TRPM3: variants seen among roughly 807,000 people sequenced by gnomAD.
The protein encoded by TRPM3 is long transient receptor potential channel 3.
TRPM3 carries 77 observed loss-of-function variants against 181.2 expected under a neutral mutation model. The observed-to-expected ratio is 0.42, with a 90% CI of 0.35 to 0.51. The LOEUF (loss-of-function observed/expected upper bound fraction) is 0.51. Ranked by LOEUF, TRPM3 falls within the 20% of genes least tolerant of loss-of-function variation. The pLI, the probability that TRPM3 is intolerant of heterozygous loss-of-function variation, is 0.01. For synonymous variants in TRPM3, 745 were observed against 796.4 expected, an observed-to-expected ratio of 0.94 and a Z score of 1.09; for missense variants, 1,759 against 2,196.7, an observed-to-expected ratio of 0.80 and a Z score of 3.98.
chr9:70,938,118 G>T (rs1183646117), intron 1 of TRPM3, among the ~76,000 whole-genome samples: 1 of 152,150 alleles, frequency 6.6e-6, no homozygotes. Context: ...CTGTGCAAGG[G>T]AGTGCTAGGT....
chr9:70,763,879 T>G (rs914104295), intron 7 of TRPM3, among the ~76,000 whole-genome samples: 4 of 152,180 alleles, frequency 2.6e-5, no homozygotes, highest in Non-Finnish European at 4.4e-5. Flanking sequence ...TCTGAGGAAG[T>G]GCTGTTTTAT....
rs140037832 is a variant in TRPM3 at position 70,535,312 on chromosome 9, T to C, written c.*641A>G. 8.6e-6 allele frequency: 10 copies of C among 1,156,514 alleles called. No individual in the cohort carries two copies. The highest frequency in any genetic ancestry group is 4.4e-5 in the Admixed American group (2 of 45,644). The allele number at this position is 1,156,514 out of a possible 1,614,324, so 71.6% of individuals were successfully genotyped here. ...AAACAGTTGTGGCACCAGAAGTGAA[T>C]AGATAAGAGACAGGTGAACTATGAC... On this transcript the variant is annotated 3_prime_UTR_variant, in exon 26 of 26. Coordinates refer to ENST00000677713, the MANE Select transcript of TRPM3 (RefSeq NM_001366145.2).
upstream of TRPM3, chr9:71,446,842 T>A: frequency 6.5e-7 from 1 of 1,534,780 alleles, no homozygotes; most frequent in Non-Finnish European, 8.8e-7. Flanking sequence ...CCATGAGAAG[T>A]TCGCCTCCCT....
chr9:71,386,663 T>A (rs1393868149), intron 1 of TRPM3, among the ~76,000 whole-genome samples: 1 of 152,158 alleles, frequency 6.6e-6, no homozygotes, highest in Non-Finnish European at 1.5e-5. Context: ...CCCTAAATAA[T>A]TATTACTATA....
At chr9:71,126,485 A>C (rs1360003195), upstream of TRPM3, among the ~76,000 whole-genome samples, 2 of 152,186 alleles carry the variant, frequency 1.3e-5, no homozygotes, top group Non-Finnish European at 2.9e-5. Context: ...TGATGCTTAT[A>C]CTGTATTTTC....
At chr9:70,784,005 A>G in intron 7 of TRPM3, 100 bp downstream of exon 7, 1 of 1,497,724 alleles carries the variant, frequency 6.7e-7, no homozygotes, top group South Asian at 1.4e-5. Context: ...GCTTGTTTTG[A>G]TTTGAGGTCT....
At chr9:70,604,784 T>A (rs1487195466) in intron 19 of TRPM3, among the ~76,000 whole-genome samples, 1 of 151,540 alleles carries the variant, frequency 6.6e-6, no homozygotes, top group Non-Finnish European at 1.5e-5. Flanking sequence ...GTAGCTGGGA[T>A]AACAGGCACG....
intron 1 of TRPM3, among the ~76,000 whole-genome samples, chr9:71,141,572 C>T (rs77327486): frequency 0.039 from 5,876 of 152,156 alleles, 175 homozygotes; most frequent in Non-Finnish European, 0.059. Context: ...GTTAAAGGGG[C>T]TTTTCAAACA....
chr9:71,301,464 T>C lies in TRPM3; in HGVS notation c.183+145189A>G, dbSNP rs148353653. ...TAATTGTTCTCAAAATCACTTATAC[T>C]CAGTTTCAAAGCCACATACTGAAGC... On this transcript the variant is annotated intron_variant, in intron 1 of 24. Transcript: ENST00000357533. Among the ~76,000 whole-genome samples the C allele has an allele frequency of 2.8e-3, 420 of 152,276 alleles. 1 individual carries two copies. The highest frequency in any genetic ancestry group is 9.6e-3 in the African/African-American group (401 of 41,564).
intron 9 of TRPM3, among the ~76,000 whole-genome samples, chr9:70,647,708 G>C (rs796478500): frequency 2.0e-5 from 3 of 152,178 alleles, no homozygotes; most frequent in African/African-American, 7.2e-5. Context: ...CAGCCAAAAA[G>C]AAGGAAATAA....
intron 22 of TRPM3, among the ~76,000 whole-genome samples, chr9:70,570,779 G>A (rs1291256262): frequency 6.6e-6 from 1 of 152,106 alleles, no homozygotes; most frequent in Non-Finnish European, 1.5e-5. Flanking sequence ...CCATTGAATG[G>A]CCACCGAATC....
intron 1 of TRPM3, among the ~76,000 whole-genome samples, chr9:71,206,322 T>C (rs1428159674): frequency 2.0e-5 from 3 of 152,192 alleles, no homozygotes; most frequent in Non-Finnish European, 4.4e-5. Context: ...ATTGTGGTTT[T>C]ATTTGCATTT....
At chr9:71,301,594 T>G (rs1443887229) in intron 1 of TRPM3, among the ~76,000 whole-genome samples, 1 of 152,202 alleles carries the variant, frequency 6.6e-6, no homozygotes, top group Non-Finnish European at 1.5e-5. Flanking sequence ...CTTTTCTCTA[T>G]GTATATCTTT....
chr9:70,540,995 G>A (rs145210870), intron 25 of TRPM3, among the ~76,000 whole-genome samples: 280 of 152,288 alleles, frequency 1.8e-3, no homozygotes, highest in Non-Finnish European at 2.8e-3. Flanking sequence ...AAAGTGCTGG[G>A]ATTTTCACAG....
intron 1 of TRPM3, among the ~76,000 whole-genome samples, chr9:71,334,156 G>A (rs1196522502): frequency 6.6e-6 from 1 of 151,700 alleles, no homozygotes; most frequent in Non-Finnish European, 1.5e-5. Flanking sequence ...TCTGGTACAA[G>A]TAGGCACAAC....
chr9:70,691,403 T>C (rs1246668541), intron 8 of TRPM3, among the ~76,000 whole-genome samples: 2 of 152,188 alleles, frequency 1.3e-5, no homozygotes, highest in African/African-American at 4.8e-5. Context: ...TAAAGGTGCA[T>C]TATGTCTAAC....
chr9:71,017,411 C>T (rs2097793420), intron 1 of TRPM3, among the ~76,000 whole-genome samples: 1 of 151,632 alleles, frequency 6.6e-6, no homozygotes, highest in South Asian at 2.1e-4. Context: ...ATGGTAAAAA[C>T]AAATAAGAAA....
intron 1 of TRPM3, among the ~76,000 whole-genome samples, chr9:71,199,695 T>A (rs1384614052): frequency 2.6e-5 from 4 of 152,120 alleles, no homozygotes; most frequent in Non-Finnish European, 4.4e-5. Flanking sequence ...TGGTAGTTTG[T>A]ATTTCTGTGG....
At chr9:71,420,797 A>AAGAGAGAG (rs1267946876) in intron 1 of TRPM3, among the ~76,000 whole-genome samples, 1,347 of 7,072 alleles carry the variant, frequency 0.19, 439 homozygotes, top group Non-Finnish European at 0.31. Flanking sequence ...AAGAGAGAGA[A>AAGAGAGAG]AGAAAGAGAG....
Sources: gnomAD v4.1 joint callset for allele counts (sites outside exome capture counted in the v4.1 genomes callset) on GRCh38, gnomAD v4.1.1 for gene constraint, MANE v1.5 for transcripts, NCBI Gene and HGNC (gene_info 2026-07-23, HGNC 2026-07-21) for gene names.